SPOPL: variants seen among roughly 807,000 people sequenced by gnomAD.
The protein encoded by SPOPL is speckle-type POZ protein-like.
SPOPL carries 23 observed loss-of-function variants against 53.8 expected under a neutral mutation model. The observed-to-expected ratio is 0.43, with a 90% CI of 0.31 to 0.61. The LOEUF is 0.61. Among genes scored for constraint, SPOPL ranks in the 20% least tolerant of loss-of-function variants. SPOPL has a pLI of 0.12. For missense variants in SPOPL, 442 were observed against 466.9 expected, an observed-to-expected ratio of 0.95 and a Z score of 0.49; for synonymous variants, 164 against 149.7, an observed-to-expected ratio of 1.10 and a Z score of -0.70.
At chr2:138,552,242 AG>A in intron 4 of SPOPL, among the ~76,000 whole-genome samples, 1 of 152,118 alleles carries the variant, frequency 6.6e-6, no homozygotes, top group Admixed American at 6.6e-5. Context: ...ATTGTCTTTT[AG>A]GGCCAATCTT....
chr2:138,565,019 A>C (rs372858358), intron 10 of SPOPL, 26 bp downstream of exon 10: 4 of 1,612,960 alleles, frequency 2.5e-6, no homozygotes, highest in African/African-American at 1.3e-5. Flanking sequence ...TTTCTGACTC[A>C]AAGTTGCTCT....
At position 138,569,291 on chromosome 2, in the gene SPOPL, A is replaced by T; in HGVS notation, c.*211A>T. ...CTGATTAATTCACTTCAAGGCCTTA[A>T]ATTATCTTCAATGACTTGTCTTGTT... On this transcript the variant is annotated 3_prime_UTR_variant, in exon 11 of 11. Coordinates refer to ENST00000280098, the MANE Select transcript of SPOPL (RefSeq NM_001001664.3). The T allele has an allele frequency of 2.0e-6, 1 of 495,704 alleles. No individual in the cohort carries two copies. The highest frequency in any genetic ancestry group is 3.5e-6 in the Non-Finnish European group (1 of 282,218). The allele number at this position is 495,704 out of a possible 1,614,324, so 30.7% of individuals were successfully genotyped here. A position where few individuals can be genotyped will look rare whatever the true frequency, so the allele number is the denominator to read the frequency against.
chr2:138,511,188 A>G (rs1365430931), intron 1 of SPOPL, among the ~76,000 whole-genome samples: 21 of 152,136 alleles, frequency 1.4e-4, no homozygotes, highest in Admixed American at 1.4e-3. Context: ...ATTGTGGAGT[A>G]TCTTGGTTTA....
intron 1 of SPOPL, among the ~76,000 whole-genome samples, chr2:138,503,790 A>G: frequency 6.6e-6 from 1 of 152,232 alleles, no homozygotes. Context: ...AAGTTTTAGT[A>G]CTGTAAGTTA....
rs1424353598 is a variant in SPOPL at position 138,571,005 on chromosome 2, T to TG, written c.*1925_*1926insG. 3.9e-5 allele frequency: 6 copies of TG among 152,154 alleles called. No homozygotes were observed. Among genetic ancestry groups the TG allele is most frequent in the African/African-American group, 1.4e-4 (6 of 41,438 alleles). 9.4% of individuals were successfully genotyped at this position (152,154 alleles called of 1,614,324 possible). A position where few individuals can be genotyped will look rare whatever the true frequency, so the allele number is the denominator to read the frequency against. On this transcript the variant is annotated 3_prime_UTR_variant, in exon 11 of 11. Transcript: ENST00000280098. ...TTACCTGGTGATGGAACTTCATACTTCATCCTGTGTAAGAGTATTATGGGA... is the reference window on the plus strand; with the variant it reads ...TTACCTGGTGATGGAACTTCATACTTGCATCCTGTGTAAGAGTATTATGGGA...
chr2:138,508,075 T>C (rs1684252727), intron 1 of SPOPL, among the ~76,000 whole-genome samples: 1 of 152,176 alleles, frequency 6.6e-6, no homozygotes, highest in Non-Finnish European at 1.5e-5. Flanking sequence ...AATGATGGTG[T>C]TTCTGGGCTC....
At chr2:138,531,010 A>T (rs1047989121) in intron 1 of SPOPL, among the ~76,000 whole-genome samples, 1 of 151,688 alleles carries the variant, frequency 6.6e-6, no homozygotes, top group East Asian at 1.9e-4. Flanking sequence ...TTCATCTTGA[A>T]TGGGTACTGA....
intron 1 of SPOPL, among the ~76,000 whole-genome samples, chr2:138,537,450 TAACAC>T (rs1684962230): frequency 1.3e-5 from 2 of 152,122 alleles, no homozygotes; most frequent in South Asian, 2.1e-4. Context: ...AATCTATAGA[TAACAC>T]AAGCAGTTCA....
chr2:138,542,031 A>T (rs1685083406), intron 1 of SPOPL, among the ~76,000 whole-genome samples: 1 of 152,250 alleles, frequency 6.6e-6, no homozygotes, highest in Admixed American at 6.5e-5. Flanking sequence ...TTCAGTTTCC[A>T]TGTAATTGAG....
At chr2:138,565,841 C>T (rs1356947745) in intron 10 of SPOPL, among the ~76,000 whole-genome samples, 3 of 151,326 alleles carry the variant, frequency 2.0e-5, no homozygotes, top group Non-Finnish European at 4.4e-5. Flanking sequence ...TCACGCCATT[C>T]TCCTGCCTCA....
chr2:138,528,706 T>G, intron 1 of SPOPL, among the ~76,000 whole-genome samples: 1 of 152,166 alleles, frequency 6.6e-6, no homozygotes, highest in East Asian at 1.9e-4. Flanking sequence ...TATGACTCCC[T>G]TTTGTTCTGG....
chr2:138,566,957 C>T (rs1685673163), intron 10 of SPOPL, among the ~76,000 whole-genome samples: 1 of 152,126 alleles, frequency 6.6e-6, no homozygotes, highest in South Asian at 2.1e-4. Context: ...AAGTAGCAAG[C>T]ATTGCAGACA....
chr2:138,562,387 T>A (rs905871667), intron 8 of SPOPL, among the ~76,000 whole-genome samples: 63 of 152,186 alleles, frequency 4.1e-4, no homozygotes, highest in Non-Finnish European at 1.6e-4. Context: ...GAATATTTAA[T>A]TTTTGACAAA....
chr2:138,558,913 C>A (rs1009777050), intron 5 of SPOPL, 109 bp from the exon 6 acceptor site: 2 of 808,796 alleles, frequency 2.5e-6, no homozygotes, highest in African/African-American at 1.8e-5. Flanking sequence ...ATTAGGAGTA[C>A]ATTGAATTAT....
intron 5 of SPOPL, chr2:138,554,386 C>T (rs1393382535): frequency 1.9e-6 from 2 of 1,056,942 alleles, no homozygotes; most frequent in Non-Finnish European, 2.5e-6. Flanking sequence ...TAACATTCTT[C>T]ATGCCCTCCA....
chr2:138,562,950 A>G (rs1194378308), intron 8 of SPOPL, among the ~76,000 whole-genome samples: 2 of 152,148 alleles, frequency 1.3e-5, no homozygotes, highest in East Asian at 3.8e-4. Context: ...AATAGACTTC[A>G]ATAAAATTTC....
intron 1 of SPOPL, among the ~76,000 whole-genome samples, chr2:138,525,724 G>T (rs901619003): frequency 9.9e-5 from 15 of 151,556 alleles, no homozygotes; most frequent in Non-Finnish European, 4.4e-5. Flanking sequence ...TGTATTCCCG[G>T]CTACTCAGGA....
chr2:138,567,698 G>A (rs1359716194), intron 10 of SPOPL, among the ~76,000 whole-genome samples: 3 of 152,138 alleles, frequency 2.0e-5, no homozygotes, highest in Non-Finnish European at 4.4e-5. Flanking sequence ...CAGTTGGAAA[G>A]TTACTAGAGT....
intron 1 of SPOPL, among the ~76,000 whole-genome samples, chr2:138,509,419 G>C (rs1684281841): frequency 6.6e-6 from 1 of 152,072 alleles, no homozygotes; most frequent in African/African-American, 2.4e-5. Flanking sequence ...GGTATGAGCT[G>C]AGATTAAATT....
Sources: gnomAD v4.1 joint callset for allele counts (sites outside exome capture counted in the v4.1 genomes callset) on GRCh38, gnomAD v4.1.1 for gene constraint, MANE v1.5 for transcripts, NCBI Gene and HGNC (gene_info 2026-07-23, HGNC 2026-07-21) for gene names.